The following SLMAP variants were observed in gnomAD, a reference collection of about 807,000 sequenced individuals.
The protein encoded by SLMAP is sarcolemma associated protein.
A neutral mutation model predicts 128.8 loss-of-function variants in SLMAP; 44 were observed. That is an observed-to-expected ratio of 0.34 (90% confidence interval 0.27 to 0.44). The LOEUF (loss-of-function observed/expected upper bound fraction) is 0.44, where lower values mean the gene tolerates loss of function less well. Among genes scored for constraint, SLMAP ranks in the 20% least tolerant of loss-of-function variants. The pLI, the probability that SLMAP is intolerant of heterozygous loss-of-function variation, is 1.00. For missense variants in SLMAP, 787 were observed against 985.3 expected, an observed-to-expected ratio of 0.80 and a Z score of 2.69; for synonymous variants, 327 against 348.8, an observed-to-expected ratio of 0.94 and a Z score of 0.70.
chr3:57,845,659 C>T (rs533825966), intron 4 of SLMAP, among the ~76,000 whole-genome samples: 4 of 152,256 alleles, frequency 2.6e-5, no homozygotes, highest in South Asian at 4.1e-4. Flanking sequence ...TCACCCCCAA[C>T]ATAAACAGTA....
rs117389370 is a variant in SLMAP at position 57,870,562 on chromosome 3, A to G, written c.1238-1074A>G. On this transcript the variant is annotated intron_variant, in intron 13 of 24. Coordinates refer to ENST00000671191, the MANE Select transcript of SLMAP (RefSeq NM_001377540.1). ...CCATGTAACTTATTAAAGCATAATG[A>G]TAAATTTTAGTATAGAATTAAAGAA... Among the ~76,000 whole-genome samples the G allele has an allele frequency of 3.6e-4, 55 of 152,322 alleles. No homozygotes were observed. In the East Asian group the frequency reaches 8.9e-3, roughly 25 times the overall value.
chr3:57,821,053 G>A (rs1279803878), intron 2 of SLMAP, among the ~76,000 whole-genome samples: 1 of 152,208 alleles, frequency 6.6e-6, no homozygotes, highest in Non-Finnish European at 1.5e-5. Context: ...GTGAAGGATT[G>A]TCTTAATTTG....
chr3:57,905,259 C>T (rs1176450896), intron 17 of SLMAP, among the ~76,000 whole-genome samples: 1 of 152,046 alleles, frequency 6.6e-6, no homozygotes, highest in East Asian at 1.9e-4. Flanking sequence ...AGTTCATACC[C>T]TACACCAGAG....
In SLMAP at chr3:57,888,730, AAT is replaced by A. The variant is rs367630724; in HGVS notation, c.1301-1309_1301-1308del. Among the ~76,000 whole-genome samples the A allele has an allele frequency of 2.3e-3, 348 of 152,244 alleles. 1 individual carries two copies. Among genetic ancestry groups the A allele is most frequent in the African/African-American group, 7.7e-3 (318 of 41,562 alleles). ...TCTCAATAAATATCTAAAATGGAAA[AAT>A]AAAATCAATGTATTATTTAGAAATA... On this transcript the variant is annotated intron_variant, in intron 14 of 24. Coordinates refer to ENST00000671191, the MANE Select transcript of SLMAP (RefSeq NM_001377540.1).
intron 24 of SLMAP, among the ~76,000 whole-genome samples, chr3:57,927,033 T>G (rs925451564): frequency 2.0e-5 from 3 of 152,164 alleles, no homozygotes; most frequent in Non-Finnish European, 4.4e-5. Context: ...ACTATTAGGT[T>G]TCAACTGTAA....
intron 14 of SLMAP, among the ~76,000 whole-genome samples, chr3:57,872,898 G>A (rs1575547599): frequency 6.6e-6 from 1 of 152,180 alleles, no homozygotes; most frequent in East Asian, 1.9e-4. Flanking sequence ...TGGAAATGTG[G>A]TTTCCCAAGT....
At chr3:57,907,246 C>G (rs917658653) in intron 17 of SLMAP, among the ~76,000 whole-genome samples, 13 of 152,134 alleles carry the variant, frequency 8.5e-5, no homozygotes, top group Non-Finnish European at 1.5e-4. Context: ...CCAGGATGGT[C>G]TCGATCTCCT....
intron 13 of SLMAP, 54 bp from the exon 14 acceptor site, chr3:57,871,582 G>A: frequency 1.4e-6 from 2 of 1,418,108 alleles, no homozygotes; most frequent in South Asian, 2.3e-5. Flanking sequence ...TTTGCTGTTG[G>A]TTTTCAAAGA....
chr3:57,823,142 C>T (rs2092655902), intron 2 of SLMAP, among the ~76,000 whole-genome samples: 1 of 152,130 alleles, frequency 6.6e-6, no homozygotes, highest in Admixed American at 6.5e-5. Context: ...CAGAAACCAT[C>T]CTTGGGGAAA....
intron 13 of SLMAP, among the ~76,000 whole-genome samples, chr3:57,865,883 C>T (rs1259108747): frequency 6.6e-6 from 1 of 152,258 alleles, no homozygotes; most frequent in African/African-American, 2.4e-5. Flanking sequence ...ACTTTTTACC[C>T]AGTGACCTCT....
At chr3:57,820,016 A>G (rs2092355827) in intron 2 of SLMAP, among the ~76,000 whole-genome samples, 1 of 152,180 alleles carries the variant, frequency 6.6e-6, no homozygotes, top group Admixed American at 6.5e-5. Context: ...CTCCCAAAGC[A>G]CTGGGATTAC....
chr3:57,926,118 T>A (rs2097003490), intron 24 of SLMAP, 184 bp downstream of exon 24: 2 of 585,866 alleles, frequency 3.4e-6, no homozygotes, highest in South Asian at 2.2e-5. Flanking sequence ...CATAACTTTT[T>A]GTCTTGTTTA....
Position 57,864,730 on chromosome 3 carries a change from C to T in SLMAP, c.1135+14C>T. 1 of 1,579,020 alleles carries T rather than the reference C, an allele frequency of 6.3e-7. No homozygotes were observed. Among genetic ancestry groups the T allele is most frequent in the Non-Finnish European group, 8.6e-7 (1 of 1,167,666 alleles). On this transcript the variant is annotated intron_variant, in intron 11 of 24. Coordinates refer to ENST00000671191, the MANE Select transcript of SLMAP (RefSeq NM_001377540.1). ...CAGCTTTACAAGGTAAGTAGCTAAT[C>T]CAGAAATTGATTTTATTTTATTTTT... is the stretch of plus-strand genomic sequence containing the variant.
chr3:57,769,906 T>A (rs1430785946), intron 2 of SLMAP, among the ~76,000 whole-genome samples: 1 of 152,222 alleles, frequency 6.6e-6, no homozygotes, highest in African/African-American at 2.4e-5. Flanking sequence ...GCCAGAGTAT[T>A]AATGTGAGAA....
intron 2 of SLMAP, among the ~76,000 whole-genome samples, chr3:57,775,610 G>C (rs1002706093): frequency 6.6e-6 from 1 of 151,566 alleles, no homozygotes; most frequent in Non-Finnish European, 1.5e-5. Context: ...GATAGCTTGA[G>C]CCTGGGAGTT....
At chr3:57,858,403 C>T (rs1437491674) in intron 8 of SLMAP, among the ~76,000 whole-genome samples, 1 of 152,018 alleles carries the variant, frequency 6.6e-6, no homozygotes, top group African/African-American at 2.4e-5. Flanking sequence ...GGTCATTTGT[C>T]CTCTAGAATT....
chr3:57,866,080 G>A (rs974080746), intron 13 of SLMAP, among the ~76,000 whole-genome samples: 1 of 152,128 alleles, frequency 6.6e-6, no homozygotes, highest in African/African-American at 2.4e-5. Flanking sequence ...GTTAGTCGAA[G>A]ATATCAGAGT....
chr3:57,912,724 A>C (rs759231542), intron 20 of SLMAP, 23 bp downstream of exon 20: 1 of 1,564,360 alleles, frequency 6.4e-7, no homozygotes, highest in East Asian at 2.3e-5. Flanking sequence ...ATTTTACATA[A>C]AGCTGTTAAC....
At position 57,817,874 on chromosome 3, in the gene SLMAP, A is replaced by G. The variant is rs140711143; in HGVS notation, c.199-13509A>G. ...AATTTTTAAAAGCTTACCTTTCCTG[A>G]TGATTTGGCATCAGAAGGTCTGATT... On this transcript the variant is annotated intron_variant, in intron 2 of 24. Transcript: ENST00000671191. Among the ~76,000 whole-genome samples the G allele has an allele frequency of 7.5e-4, 114 of 152,306 alleles. 1 individual carries two copies. The highest frequency in any genetic ancestry group is 2.3e-3 in the African/African-American group (94 of 41,566).
Sources: allele counts gnomAD v4.1 joint callset (sites outside exome capture counted in the v4.1 genomes callset), GRCh38; gene constraint gnomAD v4.1.1; transcripts MANE v1.5; gene names NCBI Gene and HGNC (gene_info 2026-07-23, HGNC 2026-07-21).